The following HIRA variants were observed in gnomAD, a reference collection of about 807,000 sequenced individuals.
The protein encoded by HIRA is histone cell cycle regulator.
In HIRA, 13 loss-of-function variants were observed where a neutral mutation model predicts 126.6. The observed-to-expected ratio is 0.10, with a 90% CI of 0.07 to 0.16. The LOEUF (loss-of-function observed/expected upper bound fraction) is 0.16, where lower values mean the gene tolerates loss of function less well. Ranked by LOEUF, HIRA falls within the 10% of genes least tolerant of loss-of-function variation. The pLI is 1.00. For missense variants in HIRA, 834 were observed against 1,314.4 expected, an observed-to-expected ratio of 0.63 and a Z score of 5.65; for synonymous variants, 511 against 520.0, an observed-to-expected ratio of 0.98 and a Z score of 0.24.
intron 7 of HIRA, 26 bp from the exon 8 acceptor site, chr22:19,394,535 G>A: frequency 6.2e-7 from 1 of 1,608,086 alleles, no homozygotes. Flanking sequence ...GCACTTGAAA[G>A]GAGCTCAAGG....
chr22:19,393,123 GAGCCAT>G (rs1247754708), intron 8 of HIRA, among the ~76,000 whole-genome samples: 1 of 152,090 alleles, frequency 6.6e-6, no homozygotes, highest in East Asian at 1.9e-4. Context: ...GGAGCTCTGT[GAGCCAT>G]AGGCAGGCGT....
chr22:19,409,126 C>A (rs1289904809), intron 2 of HIRA, among the ~76,000 whole-genome samples: 1 of 152,120 alleles, frequency 6.6e-6, no homozygotes, highest in African/African-American at 2.4e-5. Context: ...CCAAATGTAC[C>A]CTGAACACAG....
At chr22:19,383,781 T>C (rs2089098575) in intron 12 of HIRA, 76 bp from the exon 13 acceptor site, 6 of 1,149,914 alleles carry the variant, frequency 5.2e-6, no homozygotes, top group Middle Eastern at 2.3e-4. Context: ...ATAAAGTCTC[T>C]TTTTTTCCTG....
At chr22:19,332,619 A>C (rs1444270730) in intron 24 of HIRA, among the ~76,000 whole-genome samples, 1 of 151,764 alleles carries the variant, frequency 6.6e-6, no homozygotes, top group East Asian at 1.9e-4. Context: ...TTGCAAGAGA[A>C]TGGTAAAAAA....
chr22:19,336,055 T>A lies in HIRA; in HGVS notation c.2938-4499A>T, dbSNP rs138864318. Among the ~76,000 whole-genome samples the A allele has an allele frequency of 1.5e-3, 227 of 152,342 alleles. 1 individual carries two copies. The highest frequency in any genetic ancestry group is 4.5e-3 in the African/African-American group (187 of 41,572). ...CTTTGTTAGATTTATTCTTAGATAC[T>A]TTATAATTCTCAAAAGAGACAATCT... is the stretch of plus-strand genomic sequence containing the variant. On this transcript the variant is annotated intron_variant, in intron 24 of 24. Coordinates refer to ENST00000263208, the MANE Select transcript of HIRA (RefSeq NM_003325.4).
intron 13 of HIRA, among the ~76,000 whole-genome samples, chr22:19,382,890 C>T (rs1015545627): frequency 6.6e-6 from 1 of 151,728 alleles, no homozygotes. Flanking sequence ...CTTCCCCCTT[C>T]TCTGTCCCCC....
chr22:19,431,175 C>T (rs1169687852), intron 1 of HIRA, among the ~76,000 whole-genome samples: 4 of 152,230 alleles, frequency 2.6e-5, no homozygotes, highest in Non-Finnish European at 4.4e-5. Flanking sequence ...CGCGGCCCCT[C>T]CAAGGACCAC....
chr22:19,344,949 C>T lies in HIRA; in HGVS notation c.2937+6409G>A, dbSNP rs59728746. ...ATGCAACATTCTTTCTTGATAAAAG[C>T]ACTCAACAAACTAGGAATGGAAGAA... On this transcript the variant is annotated intron_variant, in intron 24 of 24. Transcript: ENST00000263208. Among the ~76,000 whole-genome samples, 1,447 of 152,204 alleles carry T rather than the reference C, an allele frequency of 9.5e-3. 25 individuals are homozygous for T. Among genetic ancestry groups the T allele is most frequent in the African/African-American group, 0.032 (1,347 of 41,530 alleles).
intron 9 of HIRA, among the ~76,000 whole-genome samples, chr22:19,390,096 C>A (rs1226161255): frequency 6.6e-6 from 1 of 152,122 alleles, no homozygotes; most frequent in Non-Finnish European, 1.5e-5. Context: ...GCACTGCATG[C>A]GGAGGTGTCT....
intron 5 of HIRA, among the ~76,000 whole-genome samples, chr22:19,404,938 C>T (rs114861787): frequency 0.01 from 1,525 of 152,280 alleles, 28 homozygotes; most frequent in African/African-American, 0.034. Context: ...TCCATCTAAA[C>T]GACTGGAAGA....
intron 5 of HIRA, among the ~76,000 whole-genome samples, chr22:19,401,822 G>A (rs1414181361): frequency 6.6e-6 from 1 of 152,102 alleles, no homozygotes. Context: ...AGTCTTCCCA[G>A]TGCAGCCCTG....
chr22:19,390,096 CG>C (rs1202313133), intron 9 of HIRA, among the ~76,000 whole-genome samples: 1 of 152,122 alleles, frequency 6.6e-6, no homozygotes, highest in Non-Finnish European at 1.5e-5. Flanking sequence ...GCACTGCATG[CG>C]GAGGTGTCTC....
intron 9 of HIRA, among the ~76,000 whole-genome samples, chr22:19,391,858 G>A (rs1194721360): frequency 6.6e-6 from 1 of 152,188 alleles, no homozygotes; most frequent in Non-Finnish European, 1.5e-5. Flanking sequence ...GCCTGAGTCT[G>A]GACACAAGAG....
intron 24 of HIRA, among the ~76,000 whole-genome samples, chr22:19,342,191 A>G (rs192883751): frequency 4.1e-4 from 62 of 152,348 alleles, no homozygotes; most frequent in African/African-American, 1.4e-3. Context: ...ACCAACAAAC[A>G]TATGAAAAAA....
Position 19,336,959 on chromosome 22 carries a change from C to A in HIRA, c.2938-5403G>T, listed in dbSNP as rs1601796363. ...ATGAGAAGTAATCAGAAAAGTAATT[C>A]TGGCAATAATGACAAAACAAGGTTC... On this transcript the variant is annotated intron_variant, in intron 24 of 24. Coordinates refer to ENST00000263208, the MANE Select transcript of HIRA (RefSeq NM_003325.4). Among the ~76,000 whole-genome samples, 8 of 152,184 alleles carry A rather than the reference C, an allele frequency of 5.3e-5. No homozygotes were observed. The South Asian group carries it at 1.7e-3, about 32-fold the overall frequency.
chr22:19,342,101 G>T (rs2088635553), intron 24 of HIRA, among the ~76,000 whole-genome samples: 1 of 151,898 alleles, frequency 6.6e-6, no homozygotes, highest in Admixed American at 6.6e-5. Context: ...AAACAAATCA[G>T]CAAGATAAAA....
chr22:19,376,535 T>C lies in HIRA; in HGVS notation c.1614-743A>G, dbSNP rs567165254. Among the ~76,000 whole-genome samples, 26 of 152,298 alleles carry C rather than the reference T, an allele frequency of 1.7e-4. 1 individual carries two copies. The South Asian group carries it at 2.9e-3, about 17-fold the overall frequency. ...TGGACAGCCCCATTCTTCTCCTCCA[T>C]GATCTGTGGCCACTAGAATGGGCCA... On this transcript the variant is annotated intron_variant, in intron 14 of 24. Coordinates refer to ENST00000263208, the MANE Select transcript of HIRA (RefSeq NM_003325.4).
intron 13 of HIRA, 141 bp downstream of exon 13, chr22:19,383,479 G>A: frequency 1.4e-6 from 1 of 690,986 alleles, no homozygotes. Context: ...GCGGGAAGCT[G>A]AGCTTCACTT....
At chr22:19,340,809 C>T (rs1423252383) in intron 24 of HIRA, among the ~76,000 whole-genome samples, 1 of 152,126 alleles carries the variant, frequency 6.6e-6, no homozygotes, top group Non-Finnish European at 1.5e-5. Flanking sequence ...TATACCTAAC[C>T]AAGGATGTGA....
Sources: gnomAD v4.1 joint callset for allele counts (sites outside exome capture counted in the v4.1 genomes callset) on GRCh38, gnomAD v4.1.1 for gene constraint, MANE v1.5 for transcripts, NCBI Gene and HGNC (gene_info 2026-07-23, HGNC 2026-07-21) for gene names.